The following TYW3 variants were observed in gnomAD, a reference collection of about 807,000 sequenced individuals.
TYW3 encodes the protein tRNA wybutosine-synthesizing protein 3 homolog.
TYW3 carries 26 observed loss-of-function variants against 23.1 expected under a neutral mutation model. The ratio of observed to expected loss-of-function variants is 1.13; its 90% CI spans 0.83 to 1.56. The LOEUF (loss-of-function observed/expected upper bound fraction) is 1.56, where lower values mean the gene tolerates loss of function less well. TYW3 is among the 40% of genes most tolerant of loss of function. The pLI, the probability that TYW3 is intolerant of heterozygous loss-of-function variation, is 0.00. For missense variants in TYW3, 316 were observed against 311.9 expected, an observed-to-expected ratio of 1.01 and a Z score of -0.10; for synonymous variants, 102 against 105.7, an observed-to-expected ratio of 0.97 and a Z score of 0.21.
chr1:74,736,527 T>C lies in TYW3; in HGVS notation c.175-15T>C. The C allele has an allele frequency of 6.4e-7, 1 of 1,565,918 alleles. No individual in the cohort carries two copies. Among genetic ancestry groups the C allele is most frequent in the South Asian group, 1.2e-5 (1 of 81,350 alleles). On this transcript the variant is annotated splice_polypyrimidine_tract_variant and intron_variant, in intron 1 of 5. Transcript: ENST00000370867. Reference sequence around the variant, plus strand: ...ATATTATATGAAACTTAAATTATGTTATTTTTTATTTTAGGGTATAAATGG... The same window carrying C: ...ATATTATATGAAACTTAAATTATGTCATTTTTTATTTTAGGGTATAAATGG...
chr1:74,733,920 TCTAGTAGTTTTACGC>T (rs2043034611), intron 1 of TYW3, among the ~76,000 whole-genome samples: 1 of 152,138 alleles, frequency 6.6e-6, no homozygotes. Context: ...TTATTACAAC[TCTAGTAGTTTTACGC>T]AGAGAAAAGT....
At chr1:74,763,449 G>T (rs4650004) in intron 5 of TYW3, among the ~76,000 whole-genome samples, 1 of 151,808 alleles carries the variant, frequency 6.6e-6, no homozygotes, top group African/African-American at 2.4e-5. Context: ...TGACAAATAG[G>T]TATATGGATT....
At chr1:74,744,377 G>A (rs1313742834) in intron 3 of TYW3, among the ~76,000 whole-genome samples, 1 of 151,816 alleles carries the variant, frequency 6.6e-6, no homozygotes, top group Non-Finnish European at 1.5e-5. Flanking sequence ...GGGCCAAGCT[G>A]TGATGCAGAA....
chr1:74,744,440 A>G (rs570841334), intron 3 of TYW3, among the ~76,000 whole-genome samples: 4 of 152,176 alleles, frequency 2.6e-5, no homozygotes, highest in South Asian at 2.1e-4. Context: ...ATTGGTCCCA[A>G]TGGCTTAGGA....
chr1:74,745,761 C>G (rs1346617155), intron 3 of TYW3, among the ~76,000 whole-genome samples: 1 of 152,184 alleles, frequency 6.6e-6, no homozygotes, highest in African/African-American at 2.4e-5. Flanking sequence ...GTAGTATAAA[C>G]AACAGAAATT....
chr1:74,747,424 T>TC (rs1228785062), intron 3 of TYW3, among the ~76,000 whole-genome samples: 1 of 151,074 alleles, frequency 6.6e-6, no homozygotes, highest in African/African-American at 2.4e-5. Flanking sequence ...GATCACGAGG[T>TC]CAGGAGATCG....
chr1:74,756,752 G>A (rs1039748023), intron 5 of TYW3, among the ~76,000 whole-genome samples: 5 of 152,198 alleles, frequency 3.3e-5, no homozygotes, highest in African/African-American at 1.2e-4. Flanking sequence ...AATCCCCAAG[G>A]CAATGGGGAA....
At chr1:74,760,898 C>T (rs910560860) in intron 5 of TYW3, among the ~76,000 whole-genome samples, 1 of 152,162 alleles carries the variant, frequency 6.6e-6, no homozygotes, top group Non-Finnish European at 1.5e-5. Flanking sequence ...TTCTAACTGA[C>T]GTTGAAAAAC....
chr1:74,760,312 A>G (rs1649099451), intron 5 of TYW3, among the ~76,000 whole-genome samples: 1 of 152,190 alleles, frequency 6.6e-6, no homozygotes, highest in South Asian at 2.1e-4. Context: ...TTCAAAAAAA[A>G]TCTGCATGTA....
intron 4 of TYW3, among the ~76,000 whole-genome samples, chr1:74,751,834 A>T (rs1037542453): frequency 5.3e-5 from 8 of 152,332 alleles, no homozygotes; most frequent in South Asian, 2.1e-4. Context: ...TAAAGCATTG[A>T]GAAGCAGCTC....
At chr1:74,745,906 A>G (rs886431634) in intron 3 of TYW3, among the ~76,000 whole-genome samples, 2 of 152,048 alleles carry the variant, frequency 1.3e-5, no homozygotes, top group African/African-American at 4.8e-5. Context: ...TTCTCTGTGT[A>G]TGCATGTCAC....
At chr1:74,741,588 CTG>C (rs1327544296) in intron 3 of TYW3, among the ~76,000 whole-genome samples, 1 of 150,700 alleles carries the variant, frequency 6.6e-6, no homozygotes, top group Non-Finnish European at 1.5e-5. Context: ...TGAAACAACT[CTG>C]TTCCCTTTTC....
intron 4 of TYW3, among the ~76,000 whole-genome samples, chr1:74,751,745 C>T (rs978555360): frequency 6.6e-6 from 1 of 151,600 alleles, no homozygotes; most frequent in African/African-American, 2.4e-5. Flanking sequence ...TATGGTTGTT[C>T]TTAACCTCTA....
chr1:74,739,071 C>A (rs1648260799), intron 3 of TYW3, among the ~76,000 whole-genome samples: 1 of 151,586 alleles, frequency 6.6e-6, no homozygotes, highest in Non-Finnish European at 1.5e-5. Context: ...TTTTGTTTGC[C>A]AAGCTTTAAG....
chr1:74,747,761 A>G lies in TYW3; in HGVS notation c.355-990A>G, dbSNP rs141287210. On this transcript the variant is annotated intron_variant, in intron 3 of 5. Coordinates refer to ENST00000370867, the MANE Select transcript of TYW3 (RefSeq NM_138467.3). ...TACACACACATATATGTATATATGT[A>G]TGTGTATATGTGTGTATATGTATAC... 9.7e-3 allele frequency among the ~76,000 whole-genome samples: 1,459 copies of G among 151,114 alleles called. 18 individuals carry two copies. Among genetic ancestry groups the G allele is most frequent in the African/African-American group, 0.027 (1,117 of 40,668 alleles).
chr1:74,752,213 C>G, intron 4 of TYW3, 79 bp from the exon 5 acceptor site: 3 of 1,439,996 alleles, frequency 2.1e-6, no homozygotes, highest in South Asian at 1.5e-5. Context: ...CAAACACAGC[C>G]CTGACGGGAC....
rs1211633756 is a variant in TYW3 at position 74,748,973 on chromosome 1, A to G, written c.426+151A>G. On this transcript the variant is annotated intron_variant, in intron 4 of 5. Transcript: ENST00000370867. ...CCCTCAGTGACTTACTCCTTCCTAC[A>G]GGGCAAAGTCCAGAGTTTGGATTTA... 7.2e-6 allele frequency: 5 copies of G among 699,118 alleles called. No homozygotes were observed. The East Asian group carries it at 8.3e-5, about 12-fold the overall frequency. The allele number at this position is 699,118 out of a possible 1,614,324, so 43.3% of individuals were successfully genotyped here.
intron 3 of TYW3, among the ~76,000 whole-genome samples, chr1:74,742,040 C>A (rs2100758980): frequency 6.6e-6 from 1 of 152,322 alleles, no homozygotes; most frequent in African/African-American, 2.4e-5. Flanking sequence ...GGACTTTAAT[C>A]ACTGCCTGAG....
Position 74,764,052 on chromosome 1 carries a change from T to C in TYW3, c.719T>C (p.Leu240Pro). Residue 240 changes from leucine (L) to proline (P), a missense_variant, in exon 6 of 6, where the codon CTT (leucine) becomes CCT (proline). Transcript: ENST00000370867. ...ATTACTAAAGAAAGTGATGAAGAAC[T>C]TGAAAATGATGATGATGATGATCTA... ...QCITKESDEE[L>P]ENDDDDDLGI... is the part of the protein sequence containing the mutation. 1.2e-6 allele frequency: 2 copies of C among 1,613,154 alleles called. 1 individual carries two copies. Among genetic ancestry groups the C allele is most frequent in the Non-Finnish European group, 1.7e-6 (2 of 1,179,620 alleles).
Sources: allele counts gnomAD v4.1 joint callset (sites outside exome capture counted in the v4.1 genomes callset), GRCh38; gene constraint gnomAD v4.1.1; transcripts MANE v1.5; gene names NCBI Gene and HGNC (gene_info 2026-07-23, HGNC 2026-07-21).